AKAP7: variants seen among roughly 807,000 people sequenced by gnomAD.
The protein encoded by AKAP7 is A-kinase anchoring protein 7, also known as A kinase (PRKA) anchor protein 7.
In AKAP7, 39 loss-of-function variants were observed where a neutral mutation model predicts 39.5. That is an observed-to-expected ratio of 0.99 (90% CI 0.76 to 1.29). AKAP7 has a LOEUF of 1.29. AKAP7 is among the 50% of genes most tolerant of loss of function. The pLI, the probability that AKAP7 is intolerant of heterozygous loss-of-function variation, is 0.00. For synonymous variants in AKAP7, 140 were observed against 139.1 expected (o/e 1.01, Z -0.05); for missense variants, 414 against 407.7 (o/e 1.02, Z -0.13).
chr6:131,134,163 G>T (rs1800393004), upstream of AKAP7, among the ~76,000 whole-genome samples: 1 of 152,122 alleles, frequency 6.6e-6, no homozygotes, highest in Non-Finnish European at 1.5e-5. Flanking sequence ...GTAGAGACAG[G>T]GTTTTGCTAT....
intron 2 of AKAP7, among the ~76,000 whole-genome samples, chr6:131,159,294 CG>C (rs1457114007): frequency 1.3e-5 from 2 of 151,760 alleles, no homozygotes; most frequent in Non-Finnish European, 2.9e-5. Context: ...GAGGTTTCAC[CG>C]TGTTAGCCAG....
At chr6:131,219,295 A>AG (rs1809492282) in intron 6 of AKAP7, among the ~76,000 whole-genome samples, 1 of 151,928 alleles carries the variant, frequency 6.6e-6, no homozygotes. Context: ...ATTTCAAAAA[A>AG]AAAAAAAAAA....
intron 1 of AKAP7, among the ~76,000 whole-genome samples, chr6:131,143,510 G>A (rs974721845): frequency 2.0e-5 from 3 of 152,152 alleles, no homozygotes; most frequent in African/African-American, 7.2e-5. Flanking sequence ...GCAGATGCTG[G>A]CACTGTGCTT....
intron 7 of AKAP7, among the ~76,000 whole-genome samples, chr6:131,238,000 G>C (rs1417569256): frequency 6.6e-6 from 1 of 151,564 alleles, no homozygotes; most frequent in Non-Finnish European, 1.5e-5. Flanking sequence ...GTGATGTTAG[G>C]GTGTCAATTT....
chr6:131,199,369 T>C, intron 5 of AKAP7, 92 bp from the exon 6 acceptor site: 5 of 822,818 alleles, frequency 6.1e-6, no homozygotes, highest in Non-Finnish European at 7.7e-6. Context: ...GTAAAATAAT[T>C]AGTGATTGTT....
chr6:131,135,637 C>T lies in AKAP7; in HGVS notation c.-127C>T. ...CCTGTCGCTGGACCCCGCGCCGGCCCAGCGCACCGCCCTCAGGCCCCGAGC... is the reference window on the plus strand; with the variant it reads ...CCTGTCGCTGGACCCCGCGCCGGCCTAGCGCACCGCCCTCAGGCCCCGAGC... On this transcript the variant is annotated 5_prime_UTR_variant, in exon 1 of 8. Transcript: ENST00000431975. 1 of 866,782 alleles carries T rather than the reference C, an allele frequency of 1.2e-6. No homozygotes were observed. The highest frequency in any genetic ancestry group is 1.4e-6 in the Non-Finnish European group (1 of 716,588). 53.7% of individuals were successfully genotyped at this position (866,782 alleles called of 1,614,324 possible).
At chr6:131,184,817 G>A in intron 5 of AKAP7, 3 of 1,464,078 alleles carry the variant, frequency 2.0e-6, no homozygotes, top group East Asian at 2.3e-5. Flanking sequence ...TGGGCATAGT[G>A]GTAACTGAGG....
At chr6:131,221,146 T>C (rs1333832934) in intron 7 of AKAP7, among the ~76,000 whole-genome samples, 3 of 152,230 alleles carry the variant, frequency 2.0e-5, no homozygotes, top group Non-Finnish European at 4.4e-5. Flanking sequence ...AAAAGTGCTA[T>C]TCCAGTGAAC....
intron 2 of AKAP7, among the ~76,000 whole-genome samples, chr6:131,146,544 AG>A (rs1801502309): frequency 6.6e-6 from 1 of 152,254 alleles, no homozygotes; most frequent in African/African-American, 2.4e-5. Flanking sequence ...AAAATGTTAA[AG>A]ATTTGACTAT....
intron 5 of AKAP7, among the ~76,000 whole-genome samples, chr6:131,187,319 T>C (rs189805271): frequency 7.9e-5 from 12 of 152,286 alleles, no homozygotes; most frequent in Admixed American, 2.6e-4. Context: ...TTCATAGTTT[T>C]CAGAATATGC....
intron 7 of AKAP7, among the ~76,000 whole-genome samples, chr6:131,243,176 C>T (rs1391703760): frequency 6.6e-6 from 1 of 152,062 alleles, no homozygotes; most frequent in Non-Finnish European, 1.5e-5. Flanking sequence ...AGTGACACTA[C>T]CATAGCTTAT....
intron 7 of AKAP7, among the ~76,000 whole-genome samples, chr6:131,273,565 T>C (rs1431314684): frequency 1.3e-5 from 2 of 152,220 alleles, no homozygotes; most frequent in African/African-American, 2.4e-5. Context: ...CCACTTCACG[T>C]TTAACAGAAG....
chr6:131,225,612 A>G (rs1810097211), intron 7 of AKAP7, among the ~76,000 whole-genome samples: 1 of 152,188 alleles, frequency 6.6e-6, no homozygotes, highest in Non-Finnish European at 1.5e-5. Flanking sequence ...TATGATTAGC[A>G]TTATCTTCAA....
At chr6:131,168,483 G>T (rs2128243690) in intron 4 of AKAP7, among the ~76,000 whole-genome samples, 1 of 152,074 alleles carries the variant, frequency 6.6e-6, no homozygotes, top group South Asian at 2.1e-4. Flanking sequence ...GAAGAAGGAA[G>T]AAGGAAAGAT....
intron 1 of AKAP7, among the ~76,000 whole-genome samples, chr6:131,143,856 A>C (rs1801258859): frequency 6.9e-6 from 1 of 145,258 alleles, no homozygotes; most frequent in Non-Finnish European, 1.5e-5. Flanking sequence ...GAAGGTCAGC[A>C]GATAAACAAG....
chr6:131,158,928 A>AG (rs1562871324), intron 2 of AKAP7, among the ~76,000 whole-genome samples: 1 of 151,924 alleles, frequency 6.6e-6, no homozygotes, highest in African/African-American at 2.4e-5. Flanking sequence ...AAAAAAAAAA[A>AG]AGATGATGGC....
chr6:131,198,379 C>G (rs1298666415), intron 5 of AKAP7, among the ~76,000 whole-genome samples: 1 of 152,148 alleles, frequency 6.6e-6, no homozygotes, highest in East Asian at 1.9e-4. Flanking sequence ...TGATTAGATG[C>G]CAGGCATTGT....
At chr6:131,270,301 G>A (rs1172535718) in intron 7 of AKAP7, among the ~76,000 whole-genome samples, 1 of 152,158 alleles carries the variant, frequency 6.6e-6, no homozygotes, top group Non-Finnish European at 1.5e-5. Context: ...TTTCCAGAAT[G>A]TCATATAAAT....
At chr6:131,166,068 A>G (rs1272368612) in intron 4 of AKAP7, among the ~76,000 whole-genome samples, 1 of 152,220 alleles carries the variant, frequency 6.6e-6, no homozygotes, top group Non-Finnish European at 1.5e-5. Flanking sequence ...GATAAAAGAC[A>G]TTAATAACTC....
Sources: allele counts gnomAD v4.1 joint callset (sites outside exome capture counted in the v4.1 genomes callset), GRCh38; gene constraint gnomAD v4.1.1; transcripts MANE v1.5; gene names NCBI Gene and HGNC (gene_info 2026-07-23, HGNC 2026-07-21).